MCPH1: variants seen among roughly 807,000 people sequenced by gnomAD.
The protein encoded by MCPH1 is microcephalin 1.
MCPH1 carries 104 observed loss-of-function variants against 84.5 expected under a neutral mutation model. The ratio of observed to expected loss-of-function variants is 1.23; its 90% CI spans 1.05 to 1.45. The LOEUF (loss-of-function observed/expected upper bound fraction) is 1.45, where lower values mean the gene tolerates loss of function less well. Ranked by LOEUF, MCPH1 falls within the 40% of genes most tolerant of loss-of-function variation. The pLI, the probability that MCPH1 is intolerant of heterozygous loss-of-function variation, is 0.00. For missense variants in MCPH1, 1,498 were observed against 1,005.7 expected (o/e 1.49, Z -6.62); for synonymous variants, 514 against 366.8 (o/e 1.40, Z -4.58).
chr8:6,527,892 C>A (rs1034325286), intron 12 of MCPH1, among the ~76,000 whole-genome samples: 1 of 120,248 alleles, frequency 8.3e-6, no homozygotes, highest in African/African-American at 2.7e-5. Context: ...CTTTTCCCCA[C>A]GTCTCTATTT....
rs202112827 is a variant in MCPH1, at chr8:6,583,164, G to GT, written c.2215-38281dup. Among the ~76,000 whole-genome samples the GT allele has an allele frequency of 4.8e-4, 71 of 148,570 alleles. No homozygotes were observed. The South Asian group carries it at 7.8e-3, about 16-fold the overall frequency. Reference sequence around the variant, plus strand: ...TATTAGAGGCCTGAGAATTTTCTTTGTTTTTTTTTCAGAGTGATTTTTTTT... The same window carrying GT: ...TATTAGAGGCCTGAGAATTTTCTTTGTTTTTTTTTTCAGAGTGATTTTTTTT... On this transcript the variant is annotated intron_variant, in intron 12 of 13. Coordinates refer to ENST00000344683, the MANE Select transcript of MCPH1 (RefSeq NM_024596.5).
chr8:6,571,947 A>C (rs1826692555), intron 12 of MCPH1, among the ~76,000 whole-genome samples: 1 of 152,170 alleles, frequency 6.6e-6, no homozygotes, highest in South Asian at 2.1e-4. Flanking sequence ...ATGATGGTTC[A>C]AGTCTTTCCT....
intron 12 of MCPH1, among the ~76,000 whole-genome samples, chr8:6,553,782 G>C (rs1365187659): frequency 6.6e-6 from 1 of 151,864 alleles, no homozygotes; most frequent in Non-Finnish European, 1.5e-5. Context: ...GGGACTTCTT[G>C]AGCAGAAAAG....
chr8:6,491,485 T>C (rs1458015792), intron 11 of MCPH1, among the ~76,000 whole-genome samples: 1 of 151,978 alleles, frequency 6.6e-6, no homozygotes, highest in African/African-American at 2.4e-5. Context: ...TTCTTTTTTT[T>C]TTATTATACT....
intron 12 of MCPH1, among the ~76,000 whole-genome samples, chr8:6,618,106 C>T (rs1489358369): frequency 3.3e-5 from 5 of 152,086 alleles, no homozygotes; most frequent in Non-Finnish European, 1.5e-5. Context: ...CTGTAAATTG[C>T]GATTACCAAG....
chr8:6,503,482 C>G (rs1812614484), intron 12 of MCPH1, among the ~76,000 whole-genome samples: 2 of 152,208 alleles, frequency 1.3e-5, no homozygotes, highest in Non-Finnish European at 2.9e-5. Context: ...TACAAGCCTT[C>G]TTCCACCTTT....
intron 12 of MCPH1, among the ~76,000 whole-genome samples, chr8:6,618,120 A>T (rs75685496): frequency 2.0e-3 from 307 of 152,326 alleles, no homozygotes; most frequent in African/African-American, 6.9e-3. Context: ...TACCAAGGGT[A>T]TTGAAAAATC....
chr8:6,509,191 C>G (rs1814422243), intron 12 of MCPH1: 4 of 1,197,928 alleles, frequency 3.3e-6, no homozygotes, highest in South Asian at 1.5e-5. Flanking sequence ...CTAATGCATA[C>G]TCTGGACAAA....
At chr8:6,470,606 A>T (rs1807596469) in intron 9 of MCPH1, among the ~76,000 whole-genome samples, 2 of 152,228 alleles carry the variant, frequency 1.3e-5, no homozygotes, top group African/African-American at 4.8e-5. Context: ...GTACTTTTAA[A>T]TAAAATGTTA....
chr8:6,576,894 C>T (rs1277990091), intron 12 of MCPH1, among the ~76,000 whole-genome samples: 1 of 151,790 alleles, frequency 6.6e-6, no homozygotes, highest in African/African-American at 2.4e-5. Flanking sequence ...GGCATCTGTG[C>T]ATTCATCTCA....
At chr8:6,638,850 G>A (rs1478138400) in intron 13 of MCPH1, among the ~76,000 whole-genome samples, 1 of 152,178 alleles carries the variant, frequency 6.6e-6, no homozygotes, top group Non-Finnish European at 1.5e-5. Flanking sequence ...GCTGTGAGGG[G>A]CTCCCTGGAC....
At chr8:6,524,154 G>C (rs919499559) in intron 12 of MCPH1, among the ~76,000 whole-genome samples, 2 of 152,086 alleles carry the variant, frequency 1.3e-5, no homozygotes, top group African/African-American at 2.4e-5. Context: ...ACATGAATTT[G>C]CACATTGCAG....
At chr8:6,596,024 A>G (rs1219865353) in intron 12 of MCPH1, among the ~76,000 whole-genome samples, 3 of 152,204 alleles carry the variant, frequency 2.0e-5, no homozygotes, top group Non-Finnish European at 2.9e-5. Flanking sequence ...TTATTCATTT[A>G]TTTATTTTTA....
rs534458359 is a variant in MCPH1 at position 6,625,232 on chromosome 8, C to T, written c.2452+3541C>T. ...TTCATGTATAAAACAGAGTCATAGC[C>T]TCCACCTTGCTTACCCCACATGCTG... On this transcript the variant is annotated intron_variant, in intron 13 of 13. Coordinates refer to ENST00000344683, the MANE Select transcript of MCPH1 (RefSeq NM_024596.5). 5.1e-6 allele frequency: 5 copies of T among 985,454 alleles called. No homozygotes were observed. The South Asian group carries it at 1.9e-4, about 37-fold the overall frequency. 61.0% of individuals were successfully genotyped at this position (985,454 alleles called of 1,614,324 possible). A position where few individuals can be genotyped will look rare whatever the true frequency, so the allele number is the denominator to read the frequency against.
chr8:6,487,650 G>T (rs1360651742), intron 11 of MCPH1, among the ~76,000 whole-genome samples: 1 of 152,190 alleles, frequency 6.6e-6, no homozygotes, highest in African/African-American at 2.4e-5. Context: ...GTTTCTGAGG[G>T]TGCCCTTCAG....
chr8:6,418,132 T>G (rs1208224661), intron 3 of MCPH1, among the ~76,000 whole-genome samples: 1 of 152,136 alleles, frequency 6.6e-6, no homozygotes, highest in Non-Finnish European at 1.5e-5. Flanking sequence ...GTTCTCTTAC[T>G]TCCTGAGTCC....
chr8:6,513,473 C>T (rs1346669058), intron 12 of MCPH1, among the ~76,000 whole-genome samples: 1 of 151,960 alleles, frequency 6.6e-6, no homozygotes, highest in Non-Finnish European at 1.5e-5. Flanking sequence ...GCTGGGACTA[C>T]AGGCGCCCAC....
intron 8 of MCPH1, among the ~76,000 whole-genome samples, chr8:6,452,333 A>T (rs561132297): frequency 3.9e-5 from 6 of 152,330 alleles, no homozygotes; most frequent in African/African-American, 1.2e-4. Flanking sequence ...TTGCATTTTG[A>T]TGGTATTATT....
intron 12 of MCPH1, among the ~76,000 whole-genome samples, chr8:6,510,792 C>A (rs1045960584): frequency 6.6e-6 from 1 of 152,170 alleles, no homozygotes; most frequent in African/African-American, 2.4e-5. Flanking sequence ...ATGTGGAGTT[C>A]TGTAAGTGTT....
Sources: allele counts gnomAD v4.1 joint callset (sites outside exome capture counted in the v4.1 genomes callset), GRCh38; gene constraint gnomAD v4.1.1; transcripts MANE v1.5; gene names NCBI Gene and HGNC (gene_info 2026-07-23, HGNC 2026-07-21).